The following CDX1 variants were observed in gnomAD, a reference collection of about 807,000 sequenced individuals.
CDX1 encodes the protein homeobox protein CDX-1.
Under a neutral mutation model 16.9 loss-of-function variants are expected in CDX1, and 9 were observed. The observed-to-expected ratio is 0.53, with a 90% confidence interval of 0.32 to 0.93. CDX1 has a LOEUF of 0.93. Among genes scored for constraint, CDX1 ranks in the 40% least tolerant of loss-of-function variants. CDX1 has a pLI of 0.04. For synonymous variants in CDX1, 179 were observed against 179.0 expected (o/e 1.00, Z 0.00); for missense variants, 393 against 386.1 (o/e 1.02, Z -0.15).
intron 1 of CDX1, among the ~76,000 whole-genome samples, chr5:150,168,166 G>A (rs115145667): frequency 0.022 from 3,303 of 152,342 alleles, 49 homozygotes; most frequent in Non-Finnish European, 0.035. Flanking sequence ...TCCATTGTCC[G>A]GACTGTGTCC....
At chr5:150,167,570 G>T (rs1220680517) in intron 1 of CDX1, among the ~76,000 whole-genome samples, 1 of 152,204 alleles carries the variant, frequency 6.6e-6, no homozygotes, top group Non-Finnish European at 1.5e-5. Context: ...TGCGAAGTGC[G>T]GAAATGCGCC....
In CDX1 at chr5:150,183,567, C is replaced by A. The variant is rs1276735822; in HGVS notation, c.685C>A (p.His229Asn). ...ACAGCCCCCACAGCCGCCGATGGCC[C>A]ACGACATCACGGCCACCCCAGCCGG... The part of the protein sequence containing the change: ...QQQPPQPPMA[H>N]DITATPAGPS... Residue 229 changes from histidine (H) to asparagine (N), a missense_variant, in exon 3 of 3, where the codon CAC becomes AAC. By Grantham distance (68) the His-to-Asn change is moderately conservative. Coordinates refer to ENST00000231656, the MANE Select transcript of CDX1 (RefSeq NM_001804.3). 6.2e-6 allele frequency: 10 copies of A among 1,611,972 alleles called. No individual in the cohort carries two copies. The highest frequency in any genetic ancestry group is 2.2e-5 in the East Asian group (1 of 44,842).
rs1029090178 is a variant in CDX1, at chr5:150,167,064, C to T, written c.188C>T (p.Ala63Val). 6.5e-5 allele frequency: 93 copies of T among 1,421,158 alleles called. No homozygotes were observed. The highest frequency in any genetic ancestry group is 8.1e-5 in the Non-Finnish European group (89 of 1,093,260). The allele number at this position is 1,421,158 out of a possible 1,614,324, so 88.0% of individuals were successfully genotyped here. Residue 63 changes from alanine to valine, a missense_variant, in exon 1 of 3, where the codon GCG becomes GTG. Ala to Val is a moderately conservative substitution (Grantham distance 64). Coordinates refer to ENST00000231656, the MANE Select transcript of CDX1 (RefSeq NM_001804.3). ...CCCGCGCCCCCGACGGCCTGGGGGG[C>T]GCCCTTCCCTGCGCCCAAGGACGAC... ...PAPAPPTAWG[A>V]PFPAPKDDWA...
At chr5:150,183,054 T>G in intron 2 of CDX1, 141 bp downstream of exon 2, 1 of 1,059,986 alleles carries the variant, frequency 9.4e-7, no homozygotes, top group Non-Finnish European at 1.3e-6. Context: ...CAGCAGAAAC[T>G]GAGGTGCTAC....
chr5:150,175,912 C>T (rs1224669717), intron 1 of CDX1, among the ~76,000 whole-genome samples: 1 of 152,222 alleles, frequency 6.6e-6, no homozygotes, highest in East Asian at 1.9e-4. Flanking sequence ...CTGTTTTCTC[C>T]TTTTTGTCTC....
At chr5:150,168,534 A>G (rs1761463262) in intron 1 of CDX1, among the ~76,000 whole-genome samples, 1 of 152,242 alleles carries the variant, frequency 6.6e-6, no homozygotes, top group Non-Finnish European at 1.5e-5. Context: ...TAACTAACGG[A>G]CCAGGCATGA....
chr5:150,166,789 C>A lies in CDX1; in HGVS notation c.-88C>A. 1.0e-6 allele frequency: 1 copy of A among 954,262 alleles called. No homozygotes were observed. The highest frequency in any genetic ancestry group is 3.4e-5 in the East Asian group (1 of 29,614). 59.1% of individuals were successfully genotyped at this position (954,262 alleles called of 1,614,324 possible). On this transcript the variant is annotated 5_prime_UTR_variant, in exon 1 of 3. Transcript: ENST00000231656. ...GGGGCGGGCGCGGCGGCAGGACAGC[C>A]GAGTTCAGGTGAGCGGTTGCTCGTC...
At chr5:150,182,966 C>G (rs1340917770) in intron 2 of CDX1, 53 bp downstream of exon 2, 8 of 1,538,018 alleles carry the variant, frequency 5.2e-6, no homozygotes, top group African/African-American at 1.4e-5. Context: ...ACTCTGGTCT[C>G]CAGGCTGCCA....
At position 150,183,509 on chromosome 5, in the gene CDX1, G is replaced by A. The variant is rs372009949; in HGVS notation, c.627G>A (p.Glu209=). 1.2e-6 allele frequency: 2 copies of A among 1,611,384 alleles called. No individual in the cohort carries two copies. Among genetic ancestry groups the A allele is most frequent in the Non-Finnish European group, 1.7e-6 (2 of 1,178,278 alleles). The part of the protein sequence containing the change: ...KIWFQNRRAK[E]RKVNKKKQQQ... ...GGTTCCAAAACCGGCGGGCAAAGGAGCGCAAAGTGAACAAGAAGAAACAGC... is the reference window on the plus strand; with the variant it reads ...GGTTCCAAAACCGGCGGGCAAAGGAACGCAAAGTGAACAAGAAGAAACAGC... The change falls in exon 3 of 3, where the codon GAG becomes GAA. Residue 209 remains glutamate, a synonymous_variant. Coordinates refer to ENST00000231656, the MANE Select transcript of CDX1 (RefSeq NM_001804.3).
intron 1 of CDX1, among the ~76,000 whole-genome samples, chr5:150,170,604 GT>G (rs1179767005): frequency 6.6e-6 from 1 of 152,178 alleles, no homozygotes; most frequent in East Asian, 1.9e-4. Context: ...AAGCCAAGCA[GT>G]TCAGGTCAAT....
intron 1 of CDX1, among the ~76,000 whole-genome samples, chr5:150,174,833 A>G (rs778289474): frequency 6.6e-5 from 10 of 151,322 alleles, no homozygotes; most frequent in East Asian, 1.9e-4. Context: ...CTGGACTGCA[A>G]TGGCGCAATC....
At chr5:150,183,026 G>A in intron 2 of CDX1, 113 bp downstream of exon 2, 1 of 1,283,988 alleles carries the variant, frequency 7.8e-7, no homozygotes, top group Non-Finnish European at 1.1e-6. Flanking sequence ...TGAGTCTCCA[G>A]GCCATTGTCA....
At position 150,183,617 on chromosome 5, in the gene CDX1, C is replaced by A; in HGVS notation, c.735C>A (p.Pro245=). 6.2e-7 allele frequency: 1 copy of A among 1,608,868 alleles called. No individual in the cohort carries two copies. The highest frequency in any genetic ancestry group is 8.5e-7 in the Non-Finnish European group (1 of 1,176,552). Reference sequence around the variant, plus strand: ...GGCCATCCCTGGGGGGCCTGTGTCCCAGCAACACCAGCCTCCTGGCCACCT... The same window carrying A: ...GGCCATCCCTGGGGGGCCTGTGTCCAAGCAACACCAGCCTCCTGGCCACCT... ...PAGPSLGGLC[P]SNTSLLATSS... Residue 245 remains proline, a synonymous_variant, in exon 3 of 3, where the codon CCC becomes CCA. Transcript: ENST00000231656.
chr5:150,176,938 G>A (rs1163835527), intron 1 of CDX1, among the ~76,000 whole-genome samples: 1 of 152,236 alleles, frequency 6.6e-6, no homozygotes, highest in African/African-American at 2.4e-5. Context: ...AGCTGGGGCT[G>A]GACCACCCAG....
intron 1 of CDX1, among the ~76,000 whole-genome samples, chr5:150,173,680 A>G (rs1448475179): frequency 6.6e-6 from 1 of 152,250 alleles, no homozygotes; most frequent in Admixed American, 6.5e-5. Flanking sequence ...TGGTAATCAT[A>G]ATGCGAACCA....
At chr5:150,180,636 G>A (rs1475645179) in intron 1 of CDX1, among the ~76,000 whole-genome samples, 2 of 151,984 alleles carry the variant, frequency 1.3e-5, no homozygotes, top group South Asian at 2.1e-4. Context: ...TGCGAGAGGC[G>A]GGAGGGGTTG....
Position 150,167,244 on chromosome 5 carries a change from C to A in CDX1, c.368C>A (p.Ser123Tyr). 7.9e-7 allele frequency: 1 copy of A among 1,265,560 alleles called. No individual in the cohort carries two copies. Among genetic ancestry groups the A allele is most frequent in the East Asian group, 3.1e-5 (1 of 31,952 alleles). 78.4% of individuals were successfully genotyped at this position (1,265,560 alleles called of 1,614,324 possible). A position where few individuals can be genotyped will look rare whatever the true frequency, so the allele number is the denominator to read the frequency against. Residue 123 changes from serine (S) to tyrosine (Y), a missense_variant, in exon 1 of 3, where the codon TCC (serine) becomes TAC (tyrosine). Transcript: ENST00000231656. The stretch of plus-strand genomic sequence containing the variant: ...CCCCTCGGGGGCCCGGGCACACCGT[C>A]CTCGCCCGGAGCGCAGAGGCCGACG... ...AQPLGGPGTP[S>Y]SPGAQRPTPY...
intron 2 of CDX1, 48 bp downstream of exon 2, chr5:150,182,961 G>C: frequency 1.3e-6 from 2 of 1,548,924 alleles, no homozygotes; most frequent in Middle Eastern, 1.8e-4. Context: ...CGAGGACTCT[G>C]GTCTCCAGGC....
chr5:150,169,824 G>C (rs1171035765), intron 1 of CDX1, among the ~76,000 whole-genome samples: 2 of 152,204 alleles, frequency 1.3e-5, no homozygotes, highest in Non-Finnish European at 2.9e-5. Context: ...GCATTCGAGA[G>C]TGGACAAACT....
Sources: gnomAD v4.1 joint callset for allele counts (sites outside exome capture counted in the v4.1 genomes callset) on GRCh38, gnomAD v4.1.1 for gene constraint, MANE v1.5 for transcripts, NCBI Gene and HGNC (gene_info 2026-07-23, HGNC 2026-07-21) for gene names.